The following CSRNP3 variants were observed in gnomAD, a reference collection of about 807,000 sequenced individuals.
The protein encoded by CSRNP3 is cysteine and serine rich nuclear protein 3.
CSRNP3 carries 12 observed loss-of-function variants against 48.0 expected under a neutral mutation model. The ratio of observed to expected loss-of-function variants is 0.25; its 90% CI spans 0.16 to 0.41. The LOEUF is 0.41. Ranked by LOEUF, CSRNP3 falls within the 10% of genes least tolerant of loss-of-function variation. CSRNP3 has a pLI of 1.00. For missense variants in CSRNP3, 580 were observed against 724.4 expected (o/e 0.80, Z 2.29); for synonymous variants, 263 against 269.7 (o/e 0.98, Z 0.24).
chr2:165,623,561 C>T (rs200259838), intron 4 of CSRNP3, among the ~76,000 whole-genome samples: 1 of 152,148 alleles, frequency 6.6e-6, no homozygotes, highest in Non-Finnish European at 1.5e-5. Flanking sequence ...AATGCAAATA[C>T]TACACCATTT....
chr2:165,523,320 C>T (rs1203347642), intron 3 of CSRNP3, among the ~76,000 whole-genome samples: 3 of 152,114 alleles, frequency 2.0e-5, no homozygotes, highest in African/African-American at 4.8e-5. Context: ...TTCAGCCATT[C>T]GTGTTCTTCA....
rs1233399746 is a variant in CSRNP3 at position 165,688,777 on chromosome 2, A to AT, written c.*9030dup. On this transcript the variant is annotated 3_prime_UTR_variant, in exon 7 of 7. Transcript: ENST00000651982. ...GTCTTTTGAGAATATTTGTTCTCTTATTTTTTGTTTGTTTGTTGCTGGCAA... is the reference window on the plus strand; with the variant it reads ...GTCTTTTGAGAATATTTGTTCTCTTATTTTTTTGTTTGTTTGTTGCTGGCAA... The AT allele has an allele frequency of 6.6e-6, 1 of 151,456 alleles. No homozygotes were observed. The highest frequency in any genetic ancestry group is 1.5e-5 in the Non-Finnish European group (1 of 67,884). 9.4% of individuals were successfully genotyped at this position (151,456 alleles called of 1,614,324 possible). A position where few individuals can be genotyped will look rare whatever the true frequency, so the allele number is the denominator to read the frequency against.
intron 3 of CSRNP3, among the ~76,000 whole-genome samples, chr2:165,582,496 A>C (rs1336048680): frequency 6.6e-6 from 1 of 152,222 alleles, no homozygotes; most frequent in African/African-American, 2.4e-5. Context: ...TCCCCTGGAA[A>C]TGTCTCCAGC....
chr2:165,563,396 C>T (rs1166482294), intron 3 of CSRNP3, among the ~76,000 whole-genome samples: 1 of 152,122 alleles, frequency 6.6e-6, no homozygotes, highest in Non-Finnish European at 1.5e-5. Flanking sequence ...TAAACGCCAA[C>T]CTGTAACCAA....
At chr2:165,492,937 A>G (rs910959712) in intron 1 of CSRNP3, among the ~76,000 whole-genome samples, 3 of 149,658 alleles carry the variant, frequency 2.0e-5, no homozygotes, top group South Asian at 2.1e-4. Context: ...AATTCCCTAA[A>G]AAAAAAAAAA....
At chr2:165,562,876 G>T (rs1407522606) in intron 3 of CSRNP3, among the ~76,000 whole-genome samples, 1 of 152,128 alleles carries the variant, frequency 6.6e-6, no homozygotes. Flanking sequence ...AAAGGGACAA[G>T]TTTTTTCACT....
At chr2:165,613,917 T>G (rs894951428) in intron 4 of CSRNP3, among the ~76,000 whole-genome samples, 1 of 152,102 alleles carries the variant, frequency 6.6e-6, no homozygotes, top group South Asian at 2.1e-4. Flanking sequence ...TTAGAGTGTT[T>G]TTTTTTTTAT....
At chr2:165,497,676 A>T (rs972013808) in intron 2 of CSRNP3, among the ~76,000 whole-genome samples, 3 of 152,076 alleles carry the variant, frequency 2.0e-5, no homozygotes, top group Admixed American at 6.6e-5. Flanking sequence ...AGGACCTTTG[A>T]GAGTGTCTAG....
intron 4 of CSRNP3, among the ~76,000 whole-genome samples, chr2:165,621,516 AG>A (rs540640071): frequency 5.3e-5 from 8 of 152,314 alleles, no homozygotes; most frequent in African/African-American, 1.9e-4. Context: ...AGTCAGCAGA[AG>A]CAATAAAAAG....
chr2:165,633,746 G>T (rs1048911577), intron 4 of CSRNP3, among the ~76,000 whole-genome samples: 1 of 152,168 alleles, frequency 6.6e-6, no homozygotes, highest in African/African-American at 2.4e-5. Flanking sequence ...CATAGTAGTT[G>T]CTCCATAAAT....
At chr2:165,624,646 A>C (rs1443616226) in intron 4 of CSRNP3, among the ~76,000 whole-genome samples, 2 of 152,088 alleles carry the variant, frequency 1.3e-5, no homozygotes, top group Non-Finnish European at 1.5e-5. Flanking sequence ...CTCTTAACTA[A>C]GAAGCCTTCT....
chr2:165,663,131 G>T (rs2105350377), intron 5 of CSRNP3, among the ~76,000 whole-genome samples: 1 of 152,164 alleles, frequency 6.6e-6, no homozygotes, highest in East Asian at 1.9e-4. Flanking sequence ...AAAGTCTTTT[G>T]ATTTATCTTC....
intron 4 of CSRNP3, among the ~76,000 whole-genome samples, chr2:165,601,185 G>A (rs936721037): frequency 6.6e-6 from 1 of 152,116 alleles, no homozygotes; most frequent in African/African-American, 2.4e-5. Context: ...AAATCCCTAT[G>A]GCTCTATAGC....
intron 4 of CSRNP3, among the ~76,000 whole-genome samples, chr2:165,608,955 A>G (rs1213403393): frequency 1.4e-5 from 2 of 146,530 alleles, no homozygotes; most frequent in Admixed American, 6.8e-5. Flanking sequence ...AAAAAAAAAA[A>G]AATTAGCTGG....
chr2:165,570,106 C>G (rs1243359070), intron 3 of CSRNP3, among the ~76,000 whole-genome samples: 1 of 151,946 alleles, frequency 6.6e-6, no homozygotes, highest in Non-Finnish European at 1.5e-5. Context: ...CCATGACATA[C>G]TTTCCAAAGA....
chr2:165,574,291 G>GA, intron 3 of CSRNP3: 1 of 1,264,638 alleles, frequency 7.9e-7, no homozygotes, highest in Admixed American at 2.0e-5. Context: ...AGGGCTGGTG[G>GA]AAAGCTGGAT....
intron 1 of CSRNP3, among the ~76,000 whole-genome samples, chr2:165,479,921 G>A (rs72876188): frequency 5.9e-5 from 9 of 152,158 alleles, no homozygotes; most frequent in Non-Finnish European, 1.2e-4. Flanking sequence ...GTATGGCTAG[G>A]TTCTTTGTTC....
chr2:165,679,388 C>G lies in CSRNP3; in HGVS notation c.1393C>G (p.Leu465Val). Residue 465 changes from leucine to valine, a missense_variant, in exon 7 of 7, where the codon CTT becomes GTT. Around this residue, in one of 4 missense-constraint regions of CSRNP3, gnomAD observed 369 missense variants for 380.8 expected, o/e 0.97. Transcript: ENST00000651982. ...SERDTVKNGT[L>V]SLVPYTMTPE... ...AAGAGACACTGTCAAAAATGGTACCCTTTCGCTGGTGCCTTACACCATGAC... is the reference window on the plus strand; with the variant it reads ...AAGAGACACTGTCAAAAATGGTACCGTTTCGCTGGTGCCTTACACCATGAC... 1 of 1,613,600 alleles carries G rather than the reference C, an allele frequency of 6.2e-7. No individual in the cohort carries two copies. The highest frequency in any genetic ancestry group is 8.5e-7 in the Non-Finnish European group (1 of 1,179,904).
chr2:165,544,818 A>C (rs1685002786), intron 3 of CSRNP3, among the ~76,000 whole-genome samples: 1 of 152,206 alleles, frequency 6.6e-6, no homozygotes. Context: ...AGTCATCGTC[A>C]TGAAAATGAT....
Sources: allele counts gnomAD v4.1 joint callset (sites outside exome capture counted in the v4.1 genomes callset), GRCh38; gene constraint gnomAD v4.1.1; regional missense constraint gnomAD v4.1.1; transcripts MANE v1.5; gene names NCBI Gene and HGNC (gene_info 2026-07-23, HGNC 2026-07-21).